The following RUNX1T1 variants were observed in gnomAD, a reference collection of about 807,000 sequenced individuals.
RUNX1T1 encodes RUNX1 partner transcriptional co-repressor 1.
Under a neutral mutation model 62.8 loss-of-function variants are expected in RUNX1T1, and 4 were observed. That is an observed-to-expected ratio of 0.06 (90% CI 0.03 to 0.15). The LOEUF (loss-of-function observed/expected upper bound fraction) is 0.15. RUNX1T1 is among the 10% of genes least tolerant of loss of function. The pLI, the probability that RUNX1T1 is intolerant of heterozygous loss-of-function variation, is 1.00. For missense variants in RUNX1T1, 508 were observed against 754.3 expected (o/e 0.67, Z 3.82); for synonymous variants, 291 against 286.0 (o/e 1.02, Z -0.18).
Position 92,020,323 on chromosome 8 carries a change from T to C in RUNX1T1, c.8-2960A>G, listed in dbSNP as rs977710139. On this transcript the variant is annotated intron_variant, in intron 1 of 10. Transcript: ENST00000396218. ...GAAATATATATTCTTGAAACTTTTA[T>C]AGCAAACAGCACAAGCAAGCTGATT... 2.9e-4 allele frequency among the ~76,000 whole-genome samples: 44 copies of C among 152,222 alleles called. 1 individual carries two copies. The highest frequency in any genetic ancestry group is 1.0e-3 in the African/African-American group (43 of 41,452).
intron 2 of RUNX1T1, chr8:92,071,399 A>G (rs975280328): frequency 6.6e-6 from 1 of 152,226 alleles, no homozygotes; most frequent in Non-Finnish European, 1.5e-5. Flanking sequence ...AGAACCCAAC[A>G]AACTAAGGCC....
At chr8:92,094,141 C>T (rs1366086180) in intron 1 of RUNX1T1, among the ~76,000 whole-genome samples, 1 of 152,186 alleles carries the variant, frequency 6.6e-6, no homozygotes, top group Admixed American at 6.5e-5. Flanking sequence ...TCAATATGTT[C>T]AGTCAATGGA....
chr8:92,070,131 A>G (rs933892447), intron 2 of RUNX1T1, among the ~76,000 whole-genome samples: 5 of 152,136 alleles, frequency 3.3e-5, no homozygotes, highest in African/African-American at 9.7e-5. Context: ...AATTCTCCCC[A>G]TTCAGTTTTC....
chr8:91,978,079 T>G (rs115027602), intron 8 of RUNX1T1, among the ~76,000 whole-genome samples: 1 of 152,038 alleles, frequency 6.6e-6, no homozygotes, highest in South Asian at 2.1e-4. Context: ...ATGCCCAGCC[T>G]ATAAACATTT....
In RUNX1T1 at chr8:91,975,876, C is replaced by T. The variant is rs768020610; in HGVS notation, c.1267+29G>A. On this transcript the variant is annotated intron_variant, in intron 9 of 10. Transcript: ENST00000396218. ...ACAACTGCACACAGCTGCCAGAACA[C>T]GAAACTCATGTTTTTAAACAATTCT... is the stretch of plus-strand genomic sequence containing the variant. 2.2e-5 allele frequency: 34 copies of T among 1,514,920 alleles called. 1 individual carries two copies. The highest frequency in any genetic ancestry group is 1.7e-4 in the Middle Eastern group (1 of 5,898). 93.8% of individuals were successfully genotyped at this position (1,514,920 alleles called of 1,614,324 possible).
chr8:92,087,918 A>G (rs1836380550), intron 1 of RUNX1T1, among the ~76,000 whole-genome samples: 1 of 152,228 alleles, frequency 6.6e-6, no homozygotes, highest in Non-Finnish European at 1.5e-5. Context: ...TCTTAGGCAC[A>G]TCAATGGAGA....
intron 1 of RUNX1T1, among the ~76,000 whole-genome samples, chr8:92,077,413 G>A (rs1834585918): frequency 6.6e-6 from 1 of 151,994 alleles, no homozygotes; most frequent in African/African-American, 2.4e-5. Flanking sequence ...ACACGTATAG[G>A]TTGTGTAAGT....
In RUNX1T1 at chr8:91,970,742, C is replaced by A. The variant is rs1226273355; in HGVS notation, c.1374G>T (p.Lys458Asn). Residue 458 changes from lysine to asparagine, a missense_variant, in exon 10 of 11, where the codon AAG becomes AAT. By Grantham distance (94) the Lys-to-Asn change is moderately conservative (BLOSUM62 0). Around this residue, in one of 7 missense-constraint regions of RUNX1T1, gnomAD observed 70 missense variants for 169.6 expected, o/e 0.41. Coordinates refer to ENST00000396218, the Ensembl canonical transcript of RUNX1T1. ...TGGCCTCGGCGACCGTGCGCTCCAT[C>A]TTGGCCCTCTCTGTTGTGATCATGT... is the stretch of plus-strand genomic sequence containing the variant. 3 of 1,613,938 alleles carry A rather than the reference C, an allele frequency of 1.9e-6. No individual in the cohort carries two copies. Among genetic ancestry groups the A allele is most frequent in the Non-Finnish European group, 2.5e-6 (3 of 1,180,008 alleles).
intron 1 of RUNX1T1, among the ~76,000 whole-genome samples, chr8:92,021,112 T>C (rs1227018687): frequency 6.6e-6 from 1 of 152,238 alleles, no homozygotes; most frequent in African/African-American, 2.4e-5. Flanking sequence ...GAGGAACTTC[T>C]TGGACAACTA....
chr8:92,040,883 T>A (rs1828314762), intron 1 of RUNX1T1, among the ~76,000 whole-genome samples: 1 of 152,016 alleles, frequency 6.6e-6, no homozygotes, highest in Admixed American at 6.6e-5. Context: ...TAATATAAAT[T>A]TTTTTTTCAA....
At chr8:92,008,169 T>G (rs1053188061) in intron 4 of RUNX1T1, among the ~76,000 whole-genome samples, 3 of 151,762 alleles carry the variant, frequency 2.0e-5, no homozygotes, top group African/African-American at 7.3e-5. Flanking sequence ...TCTTTAGGGA[T>G]CCCAAAGATA....
intron 1 of RUNX1T1, among the ~76,000 whole-genome samples, chr8:92,029,999 C>G (rs1825933576): frequency 6.6e-6 from 1 of 152,110 alleles, no homozygotes; most frequent in African/African-American, 2.4e-5. Flanking sequence ...TACCATAACT[C>G]TTAGTATAAA....
upstream of RUNX1T1, chr8:92,102,962 C>G (rs1422310474): frequency 1.0e-5 from 15 of 1,458,808 alleles, no homozygotes; most frequent in Non-Finnish European, 1.4e-5. The surrounding 1 kb of genome is among the most constrained non-coding windows in gnomAD (Gnocchi z 4.5). Flanking sequence ...GAGGACGCGG[C>G]GCGGCTTCCC....
Position 92,045,773 on chromosome 8 carries a change from T to C in RUNX1T1, c.7+16773A>G, listed in dbSNP as rs561272366. On this transcript the variant is annotated intron_variant, in intron 1 of 10. Coordinates refer to ENST00000396218, the Ensembl canonical transcript of RUNX1T1. The stretch of plus-strand genomic sequence containing the variant: ...GTGCCAGGACTGTGTCTTCCTCTCT[T>C]TAAAACCCCTGCTACGCTTAGTAGA... 2.0e-5 allele frequency among the ~76,000 whole-genome samples: 3 copies of C among 152,286 alleles called. No homozygotes were observed. In the East Asian group the frequency reaches 5.8e-4, roughly 29 times the overall value.
intron 1 of RUNX1T1, among the ~76,000 whole-genome samples, chr8:92,060,982 G>C (rs1481721357): frequency 6.6e-6 from 1 of 151,972 alleles, no homozygotes; most frequent in East Asian, 1.9e-4. Context: ...TATTGCTGTA[G>C]AACCAGATGT....
At position 91,963,186 on chromosome 8, in the gene RUNX1T1, T is replaced by C. The variant is rs146649862; in HGVS notation, c.1459-2669A>G. On this transcript the variant is annotated intron_variant, in intron 10 of 10. Transcript: ENST00000396218. ...AATTGAGCCTTCTTGCATAGTATTG[T>C]CTGGTTCTGATCCAGGAGTTAAGGG... Among the ~76,000 whole-genome samples the C allele has an allele frequency of 2.6e-3, 403 of 152,350 alleles. 1 individual carries two copies. The highest frequency in any genetic ancestry group is 9.5e-3 in the African/African-American group (394 of 41,582).
intron 1 of RUNX1T1, among the ~76,000 whole-genome samples, chr8:92,098,470 T>C (rs1246034264): frequency 1.3e-5 from 2 of 152,260 alleles, no homozygotes; most frequent in Non-Finnish European, 2.9e-5. Context: ...ATGTTTAAGC[T>C]GCTTTATACA....
chr8:91,969,424 C>A (rs898474369), intron 10 of RUNX1T1, among the ~76,000 whole-genome samples: 5 of 152,128 alleles, frequency 3.3e-5, no homozygotes, highest in Admixed American at 6.5e-5. Flanking sequence ...CTGTGCCTCA[C>A]GATATTGCTC....
chr8:92,091,227 G>T (rs1836952789), intron 1 of RUNX1T1, among the ~76,000 whole-genome samples: 1 of 152,172 alleles, frequency 6.6e-6, no homozygotes, highest in Non-Finnish European at 1.5e-5. Flanking sequence ...TGCTTTAGAG[G>T]CCTTGATCGA....
Sources: gnomAD v4.1 joint callset for allele counts (sites outside exome capture counted in the v4.1 genomes callset) on GRCh38, gnomAD v4.1.1 for gene constraint, gnomAD v4.1.1 regional missense constraint, Gnocchi (gnomAD v3.1) non-coding constraint, MANE v1.5 for transcripts, NCBI Gene and HGNC (gene_info 2026-07-23, HGNC 2026-07-21) for gene names.